GRM7: variants seen among roughly 807,000 people sequenced by gnomAD.
GRM7 encodes the protein metabotropic glutamate receptor 7.
In GRM7, 35 loss-of-function variants were observed where a neutral mutation model predicts 84.5. The ratio of observed to expected loss-of-function variants is 0.41; its 90% CI spans 0.32 to 0.55. The LOEUF (loss-of-function observed/expected upper bound fraction) is 0.55, where lower values mean the gene tolerates loss of function less well. Among genes scored for constraint, GRM7 ranks in the 20% least tolerant of loss-of-function variants. The pLI, the probability that GRM7 is intolerant of heterozygous loss-of-function variation, is 0.19. For missense variants in GRM7, 1,003 were observed against 1,194.6 expected (o/e 0.84, Z 2.36); for synonymous variants, 487 against 455.1 (o/e 1.07, Z -0.89).
chr3:7,263,128 G>T (rs1698499827), intron 2 of GRM7, among the ~76,000 whole-genome samples: 1 of 152,170 alleles, frequency 6.6e-6, no homozygotes, highest in African/African-American at 2.4e-5. Flanking sequence ...GTCCTTGGGG[G>T]CTTAGTTGTG....
intron 4 of GRM7, among the ~76,000 whole-genome samples, chr3:7,368,493 A>AT (rs1216187825): frequency 2.6e-5 from 4 of 152,044 alleles, no homozygotes; most frequent in Non-Finnish European, 5.9e-5. Flanking sequence ...TATATAATTC[A>AT]TTTTTTTCTA....
intron 2 of GRM7, among the ~76,000 whole-genome samples, chr3:7,291,806 G>T (rs373742580): frequency 2.0e-5 from 3 of 152,066 alleles, no homozygotes; most frequent in Admixed American, 1.3e-4. Flanking sequence ...ATATGGTTTG[G>T]CTGTGTTCCC....
intron 2 of GRM7, among the ~76,000 whole-genome samples, chr3:7,267,370 C>A (rs1698681392): frequency 6.6e-6 from 1 of 152,080 alleles, no homozygotes; most frequent in African/African-American, 2.4e-5. Context: ...TAGTTGTTAC[C>A]CCAAGACCCT....
chr3:7,434,241 G>A (rs1201506357), intron 5 of GRM7, among the ~76,000 whole-genome samples: 1 of 152,034 alleles, frequency 6.6e-6, no homozygotes, highest in Non-Finnish European at 1.5e-5. Context: ...TTTTTATATA[G>A]ATGATCACAT....
intron 9 of GRM7, among the ~76,000 whole-genome samples, chr3:7,730,354 T>C (rs570882165): frequency 6.6e-6 from 1 of 152,314 alleles, no homozygotes; most frequent in South Asian, 2.1e-4. Context: ...TCTTTCCAAG[T>C]AGAATTTAAG....
chr3:7,263,037 C>T (rs1235479327), intron 2 of GRM7, among the ~76,000 whole-genome samples: 3 of 152,340 alleles, frequency 2.0e-5, no homozygotes, highest in South Asian at 4.1e-4. Flanking sequence ...CTAGTTATTA[C>T]TCATTTTTGT....
At position 7,305,631 on chromosome 3, in the gene GRM7, A is replaced by AACCTATTTCCT. The variant is rs1392702055; in HGVS notation, c.879-866_879-865insCCTATTTCCTA. On this transcript the variant is annotated intron_variant, in intron 3 of 9. Transcript: ENST00000357716. ...TTTGTTCTTGCGATAGTTTACTGAG[A>AACCTATTTCCT]ATGATTTTTTTCTTTAGAAAACTGT... Among the ~76,000 whole-genome samples, 168 of 45,770 alleles carry AACCTATTTCCT rather than the reference A, an allele frequency of 3.7e-3. 33 individuals carry two copies. Among genetic ancestry groups the AACCTATTTCCT allele is most frequent in the Middle Eastern group, 0.019 (1 of 52 alleles). 30.0% of individuals were successfully genotyped at this position (45,770 alleles called of 152,430 possible).
chr3:7,341,384 G>A (rs1337595210), intron 4 of GRM7, among the ~76,000 whole-genome samples: 1 of 148,576 alleles, frequency 6.7e-6, no homozygotes, highest in African/African-American at 2.5e-5. Flanking sequence ...TTTTTTTTTT[G>A]TTTATTTAGC....
At chr3:7,556,120 A>C (rs1471694053) in intron 7 of GRM7, among the ~76,000 whole-genome samples, 1 of 152,124 alleles carries the variant, frequency 6.6e-6, no homozygotes, top group Non-Finnish European at 1.5e-5. Context: ...AGTCTGGTGA[A>C]GACTGGCTTC....
chr3:6,894,463 T>A (rs1696095850), intron 1 of GRM7, among the ~76,000 whole-genome samples: 1 of 152,176 alleles, frequency 6.6e-6, no homozygotes, highest in East Asian at 1.9e-4. Context: ...CATCTATTGT[T>A]TCTATCCTAA....
intron 7 of GRM7, among the ~76,000 whole-genome samples, chr3:7,473,187 G>T (rs190440682): frequency 2.0e-5 from 3 of 152,200 alleles, no homozygotes; most frequent in African/African-American, 7.2e-5. Flanking sequence ...AGAACACTAG[G>T]CCCAGGGTAG....
intron 1 of GRM7, among the ~76,000 whole-genome samples, chr3:6,950,428 G>T (rs955468452): frequency 6.6e-5 from 10 of 152,268 alleles, no homozygotes; most frequent in South Asian, 2.1e-4. Context: ...TTTTGTCTCA[G>T]AGGAGTACCC....
chr3:7,560,211 C>G (rs571928929), intron 7 of GRM7: 1 of 152,018 alleles, frequency 6.6e-6, no homozygotes, highest in South Asian at 2.1e-4. Flanking sequence ...TTTGGTCTAA[C>G]CTGGAATAAT....
At chr3:7,480,582 A>G (rs936124309) in intron 7 of GRM7, among the ~76,000 whole-genome samples, 1 of 152,230 alleles carries the variant, frequency 6.6e-6, no homozygotes, top group Non-Finnish European at 1.5e-5. Flanking sequence ...ATGGTATACA[A>G]TATTTATACA....
chr3:7,294,949 G>T (rs1310129114), intron 2 of GRM7, among the ~76,000 whole-genome samples: 1 of 152,172 alleles, frequency 6.6e-6, no homozygotes, highest in Non-Finnish European at 1.5e-5. Flanking sequence ...TTAACCAAGT[G>T]TCTGGCTTGT....
At chr3:7,626,771 T>G (rs1409319099) in intron 8 of GRM7, among the ~76,000 whole-genome samples, 3 of 152,178 alleles carry the variant, frequency 2.0e-5, no homozygotes, top group African/African-American at 7.2e-5. Context: ...ATAAATAAGG[T>G]CACATTCTGT....
rs775042345 is a variant in GRM7 at position 7,709,334 on chromosome 3, A to AGG, written c.2698+29040_2698+29041insGG. 6.1e-3 allele frequency among the ~76,000 whole-genome samples: 924 copies of AGG among 152,310 alleles called. 11 individuals are homozygous for AGG. Among genetic ancestry groups the AGG allele is most frequent in the Middle Eastern group, 0.02 (6 of 294 alleles). Reference sequence around the variant, plus strand: ...ACAAACTTTGATAGAAAAATGGCATAGTTTGGAACAGAGAGTTTGGGTCAA... The same window carrying AGG: ...ACAAACTTTGATAGAAAAATGGCATAGGGTTTGGAACAGAGAGTTTGGGTCAA... On this transcript the variant is annotated intron_variant, in intron 9 of 9. Transcript: ENST00000357716.
At chr3:7,308,515 G>T (rs1032231458) in intron 4 of GRM7, among the ~76,000 whole-genome samples, 4 of 152,182 alleles carry the variant, frequency 2.6e-5, no homozygotes, top group African/African-American at 9.7e-5. Context: ...AGGAATCGCA[G>T]ATCATATAAG....
chr3:7,329,327 C>T (rs925922234), intron 4 of GRM7, among the ~76,000 whole-genome samples: 4 of 152,168 alleles, frequency 2.6e-5, no homozygotes, highest in African/African-American at 9.6e-5. Context: ...TCCTTTCAAC[C>T]GTGCCTCGCC....
Sources: gnomAD v4.1 joint callset for allele counts (sites outside exome capture counted in the v4.1 genomes callset) on GRCh38, gnomAD v4.1.1 for gene constraint, MANE v1.5 for transcripts, NCBI Gene and HGNC (gene_info 2026-07-23, HGNC 2026-07-21) for gene names.